The following DSCAM variants were observed in gnomAD, a reference collection of about 807,000 sequenced individuals.
DSCAM encodes cell adhesion molecule DSCAM.
In DSCAM, 47 loss-of-function variants were observed where a neutral mutation model predicts 217.7. The ratio of observed to expected loss-of-function variants is 0.22; its 90% CI spans 0.17 to 0.28. The LOEUF (loss-of-function observed/expected upper bound fraction) is 0.28. Ranked by LOEUF, DSCAM falls within the 10% of genes least tolerant of loss-of-function variation. The pLI, the probability that DSCAM is intolerant of heterozygous loss-of-function variation, is 1.00. For missense variants in DSCAM, 2,080 were observed against 2,618.3 expected (o/e 0.79, Z 4.49); for synonymous variants, 1,056 against 1,015.3 (o/e 1.04, Z -0.76).
intron 14 of DSCAM, among the ~76,000 whole-genome samples, chr21:40,182,731 G>GAAC (rs1417450399): frequency 2.9e-5 from 2 of 69,368 alleles, no homozygotes; most frequent in Non-Finnish European, 2.7e-5. Context: ...CGTGGACGGG[G>GAAC]GGGCTACCAG....
chr21:40,313,954 T>C (rs144777947), intron 8 of DSCAM, among the ~76,000 whole-genome samples: 1 of 152,362 alleles, frequency 6.6e-6, no homozygotes, highest in East Asian at 1.9e-4. Context: ...CCATTTCAAC[T>C]ATCAGCTTAA....
chr21:40,592,347 A>T (rs1208661195), intron 3 of DSCAM, among the ~76,000 whole-genome samples: 2 of 152,236 alleles, frequency 1.3e-5, no homozygotes, highest in African/African-American at 4.8e-5. Context: ...TCACATACTC[A>T]TATGAGCTTG....
chr21:40,643,689 T>C (rs2089910034), intron 3 of DSCAM, among the ~76,000 whole-genome samples: 1 of 152,182 alleles, frequency 6.6e-6, no homozygotes, highest in Non-Finnish European at 1.5e-5. Flanking sequence ...CAAGTTAGAA[T>C]GAGGCTGTTA....
chr21:40,840,890 A>G (rs975039773), intron 1 of DSCAM, among the ~76,000 whole-genome samples: 14 of 151,980 alleles, frequency 9.2e-5, no homozygotes, highest in African/African-American at 3.4e-4. Context: ...GGAGGGGAGA[A>G]AGGCTCTGCC....
chr21:40,099,631 T>C (rs2089725088), intron 20 of DSCAM, among the ~76,000 whole-genome samples: 1 of 152,232 alleles, frequency 6.6e-6, no homozygotes, highest in Non-Finnish European at 1.5e-5. Flanking sequence ...ATATTAAAGT[T>C]GACTCTTCCT....
intron 2 of DSCAM, among the ~76,000 whole-genome samples, chr21:40,703,759 T>C (rs769578056): frequency 1.3e-5 from 2 of 152,244 alleles, no homozygotes; most frequent in Non-Finnish European, 2.9e-5. Flanking sequence ...TGTGGGTTTA[T>C]AGTTTTCAAC....
chr21:40,142,879 A>C (rs1250793591), intron 17 of DSCAM, among the ~76,000 whole-genome samples, 175 bp from the exon 18 acceptor site: 2 of 152,248 alleles, frequency 1.3e-5, no homozygotes, highest in Non-Finnish European at 2.9e-5. Flanking sequence ...ATGATAACTC[A>C]GTGCTCAGTA....
chr21:40,028,177 G>A (rs1310096979), intron 32 of DSCAM, among the ~76,000 whole-genome samples: 3 of 100,876 alleles, frequency 3.0e-5, no homozygotes, highest in Non-Finnish European at 6.0e-5. Flanking sequence ...GGCTGCTCGG[G>A]GGTCCGGGGT....
chr21:40,723,672 A>G (rs1037302413), intron 1 of DSCAM, among the ~76,000 whole-genome samples: 2 of 152,238 alleles, frequency 1.3e-5, no homozygotes, highest in Non-Finnish European at 2.9e-5. Flanking sequence ...CATACTACAT[A>G]TAACTAAAGA....
intron 3 of DSCAM, among the ~76,000 whole-genome samples, chr21:40,520,564 T>C (rs904488984): frequency 2.0e-5 from 3 of 152,042 alleles, no homozygotes; most frequent in African/African-American, 7.2e-5. Context: ...ATCCCAGCAC[T>C]TTGGGAGGCC....
At chr21:40,339,494 AG>A in intron 6 of DSCAM, 79 bp from the exon 7 acceptor site, 2 of 1,366,892 alleles carry the variant, frequency 1.5e-6, no homozygotes, top group Non-Finnish European at 2.0e-6. Flanking sequence ...TTTCATGTCT[AG>A]GGGGTAAATG....
chr21:40,845,998 TG>T (rs1325576378), intron 1 of DSCAM, among the ~76,000 whole-genome samples: 26 of 141,684 alleles, frequency 1.8e-4, no homozygotes, highest in Non-Finnish European at 1.7e-4. Flanking sequence ...ACTATACAGG[TG>T]TTTTTTTTTT....
chr21:40,476,678 T>C (rs143622116), intron 3 of DSCAM, among the ~76,000 whole-genome samples: 79 of 152,152 alleles, frequency 5.2e-4, no homozygotes, highest in East Asian at 2.5e-3. Flanking sequence ...ATTTATTCTT[T>C]GCTGACTAAC....
intron 3 of DSCAM, among the ~76,000 whole-genome samples, chr21:40,433,960 A>C (rs2075560475): frequency 6.6e-6 from 1 of 152,174 alleles, no homozygotes; most frequent in Non-Finnish European, 1.5e-5. Flanking sequence ...GGGCGATGTC[A>C]CCTGAGGCAG....
chr21:40,119,896 G>A (rs2090013528), intron 20 of DSCAM, among the ~76,000 whole-genome samples: 1 of 151,930 alleles, frequency 6.6e-6, no homozygotes, highest in South Asian at 2.1e-4. Context: ...CAGATTCCAC[G>A]TTATACCACT....
chr21:40,291,580 C>A (rs780458526), intron 10 of DSCAM, among the ~76,000 whole-genome samples: 1 of 152,230 alleles, frequency 6.6e-6, no homozygotes. Flanking sequence ...CAGGCATCAA[C>A]CTCCCGGCCT....
chr21:40,662,277 T>C (rs2090146983), intron 3 of DSCAM, among the ~76,000 whole-genome samples: 1 of 152,084 alleles, frequency 6.6e-6, no homozygotes, highest in Admixed American at 6.6e-5. Flanking sequence ...TTCAGTTCTC[T>C]ACATTTTTTT....
chr21:40,813,709 G>A (rs766603487), intron 1 of DSCAM, among the ~76,000 whole-genome samples: 27 of 149,230 alleles, frequency 1.8e-4, no homozygotes, highest in African/African-American at 3.0e-4. Context: ...GTGCAGTGGC[G>A]CAATCTCAGC....
At chr21:40,175,681 G>A (rs2090716644) in intron 15 of DSCAM, among the ~76,000 whole-genome samples, 1 of 151,656 alleles carries the variant, frequency 6.6e-6, no homozygotes, top group South Asian at 2.1e-4. Context: ...TAGGTTTCAG[G>A]ATATTCATTT....
Sources: gnomAD v4.1 joint callset for allele counts (sites outside exome capture counted in the v4.1 genomes callset) on GRCh38, gnomAD v4.1.1 for gene constraint, MANE v1.5 for transcripts, NCBI Gene and HGNC (gene_info 2026-07-23, HGNC 2026-07-21) for gene names.